SCN8A: variants seen among roughly 807,000 people sequenced by gnomAD.
SCN8A encodes sodium channel protein type 8 subunit alpha.
A neutral mutation model predicts 184.1 loss-of-function variants in SCN8A; 30 were observed. The ratio of observed to expected loss-of-function variants is 0.16; its 90% CI spans 0.12 to 0.22. SCN8A has a LOEUF of 0.22. Ranked by LOEUF, SCN8A falls within the 10% of genes least tolerant of loss-of-function variation. The pLI is 1.00. For synonymous variants in SCN8A, 852 were observed against 907.0 expected, an observed-to-expected ratio of 0.94 and a Z score of 1.09; for missense variants, 1,057 against 2,498.9, an observed-to-expected ratio of 0.42 and a Z score of 12.30.
chr12:51,798,222 C>T (rs1412405348), intron 26 of SCN8A, among the ~76,000 whole-genome samples: 2 of 152,316 alleles, frequency 1.3e-5, no homozygotes, highest in African/African-American at 4.8e-5. Context: ...CCAGTGAATT[C>T]CATGAGCATG....
intron 12 of SCN8A, among the ~76,000 whole-genome samples, chr12:51,733,318 G>A (rs1260493929): frequency 6.6e-6 from 1 of 152,100 alleles, no homozygotes; most frequent in Non-Finnish European, 1.5e-5. Context: ...TGATCATATG[G>A]TTTTTGTTGT....
chr12:51,685,466 A>G (rs1941404179), intron 3 of SCN8A, among the ~76,000 whole-genome samples: 1 of 152,186 alleles, frequency 6.6e-6, no homozygotes, highest in African/African-American at 2.4e-5. Context: ...GTGCTGACCT[A>G]AAATAGTTTA....
chr12:51,776,877 T>C (rs1937720521), intron 20 of SCN8A, among the ~76,000 whole-genome samples: 1 of 152,266 alleles, frequency 6.6e-6, no homozygotes, highest in Non-Finnish European at 1.5e-5. Flanking sequence ...TTGTTGCCTC[T>C]TAAAGCTGTG....
At chr12:51,612,155 G>GT (rs544912459) in intron 1 of SCN8A, among the ~76,000 whole-genome samples, 73 of 151,792 alleles carry the variant, frequency 4.8e-4, no homozygotes, top group Admixed American at 2.2e-3. Context: ...TTCCCTGCTT[G>GT]TTTTTTTTGT....
At chr12:51,757,463 C>T (rs1188965103) in intron 14 of SCN8A, among the ~76,000 whole-genome samples, 2 of 152,154 alleles carry the variant, frequency 1.3e-5, no homozygotes, top group Non-Finnish European at 2.9e-5. Flanking sequence ...TCGTCACTTT[C>T]AAATAAGGCT....
At chr12:51,707,730 T>G (rs1161053939) in intron 11 of SCN8A, among the ~76,000 whole-genome samples, 2 of 152,200 alleles carry the variant, frequency 1.3e-5, no homozygotes, top group African/African-American at 4.8e-5. Flanking sequence ...GTAATTCTAT[T>G]TTTAGTTTTT....
chr12:51,789,536 C>A, intron 24 of SCN8A, 118 bp downstream of exon 24: 1 of 1,153,726 alleles, frequency 8.7e-7, no homozygotes. Flanking sequence ...ATATTGTTAG[C>A]TCACTGTGAC....
chr12:51,699,387 G>T (rs1941645545), intron 6 of SCN8A, among the ~76,000 whole-genome samples, 183 bp from the exon 7 acceptor site: 1 of 152,180 alleles, frequency 6.6e-6, no homozygotes, highest in African/African-American at 2.4e-5. Context: ...ACTTAAAAAT[G>T]GATACTTCTG....
Position 51,611,470 on chromosome 12 carries a change from G to C in SCN8A, c.-55+20111G>C, listed in dbSNP as rs116215122. On this transcript the variant is annotated intron_variant, in intron 1 of 26. Coordinates refer to ENST00000627620, the MANE Select transcript of SCN8A (RefSeq NM_001330260.2). ...AGCCACCGCGCCCAGCTATACCTAA[G>C]TATTTCTTAAGCTAATATAATTTGT... Among the ~76,000 whole-genome samples the C allele has an allele frequency of 6.6e-3, 1,000 of 151,952 alleles. 19 individuals carry two copies. The highest frequency in any genetic ancestry group is 0.023 in the African/African-American group (942 of 41,456).
intron 14 of SCN8A, among the ~76,000 whole-genome samples, chr12:51,761,796 G>A (rs1241336356): frequency 6.6e-6 from 1 of 152,066 alleles, no homozygotes; most frequent in Non-Finnish European, 1.5e-5. Flanking sequence ...GCCGCCAGTA[G>A]AATTTTATAC....
chr12:51,781,276 C>T (rs964990903), intron 21 of SCN8A, among the ~76,000 whole-genome samples: 1 of 152,156 alleles, frequency 6.6e-6, no homozygotes, highest in Admixed American at 6.5e-5. Context: ...CAGAATTTGG[C>T]ATGGCCCTGG....
chr12:51,713,544 C>T, intron 11 of SCN8A: 2 of 739,364 alleles, frequency 2.7e-6, no homozygotes, highest in East Asian at 2.4e-5. Context: ...CCTCTTCCTG[C>T]CGGTGGCAAT....
intron 11 of SCN8A, chr12:51,712,709 C>T: frequency 1.0e-6 from 1 of 961,978 alleles, no homozygotes; most frequent in Non-Finnish European, 1.7e-6. Context: ...ACCACACCAC[C>T]TTGGTTTCCA....
At chr12:51,668,075 C>T (rs1941066763) in intron 2 of SCN8A, among the ~76,000 whole-genome samples, 1 of 151,568 alleles carries the variant, frequency 6.6e-6, no homozygotes, top group Admixed American at 6.6e-5. Context: ...CCCAGCTACT[C>T]AGGAGGCTGA....
intron 20 of SCN8A, among the ~76,000 whole-genome samples, chr12:51,775,554 G>A (rs187937159): frequency 3.9e-5 from 6 of 152,270 alleles, no homozygotes; most frequent in Non-Finnish European, 5.9e-5. Context: ...TGAGACCCTC[G>A]CAGCGAGAGA....
At chr12:51,760,118 G>A (rs2138853974) in intron 14 of SCN8A, among the ~76,000 whole-genome samples, 1 of 152,292 alleles carries the variant, frequency 6.6e-6, no homozygotes, top group Middle Eastern at 3.4e-3. Context: ...TTTAATACAT[G>A]AACTTTGGGG....
chr12:51,697,824 GT>G (rs963916186), intron 6 of SCN8A, among the ~76,000 whole-genome samples: 6 of 152,018 alleles, frequency 3.9e-5, no homozygotes, highest in Admixed American at 1.3e-4. Context: ...GCTTTGTGAA[GT>G]TTTTTTTGTT....
chr12:51,647,963 G>A (rs572121010), intron 1 of SCN8A, among the ~76,000 whole-genome samples: 10 of 152,288 alleles, frequency 6.6e-5, no homozygotes, highest in Non-Finnish European at 8.8e-5. Context: ...TCTGTACCAA[G>A]CTTCTTATCT....
At chr12:51,688,697 C>T in intron 5 of SCN8A, 1 of 1,187,744 alleles carries the variant, frequency 8.4e-7, no homozygotes, top group Non-Finnish European at 1.3e-6. Context: ...CTTTCTTCCC[C>T]CCATTCTCAA....
Sources: allele counts gnomAD v4.1 joint callset (sites outside exome capture counted in the v4.1 genomes callset), GRCh38; gene constraint gnomAD v4.1.1; transcripts MANE v1.5; gene names NCBI Gene and HGNC (gene_info 2026-07-23, HGNC 2026-07-21).